PIK3CB: variants seen among roughly 807,000 people sequenced by gnomAD.
PIK3CB encodes the protein phosphatidylinositol 4,5-bisphosphate 3-kinase catalytic subunit beta isoform.
In PIK3CB, 39 loss-of-function variants were observed where a neutral mutation model predicts 136.8. The ratio of observed to expected loss-of-function variants is 0.29; its 90% CI spans 0.22 to 0.37. PIK3CB has a LOEUF of 0.37. Ranked by LOEUF, PIK3CB falls within the 10% of genes least tolerant of loss-of-function variation. PIK3CB has a pLI of 1.00. For missense variants in PIK3CB, 868 were observed against 1,275.4 expected, an observed-to-expected ratio of 0.68 and a Z score of 4.87; for synonymous variants, 428 against 436.6, an observed-to-expected ratio of 0.98 and a Z score of 0.25.
chr3:138,736,181 C>G (rs1194372127), intron 6 of PIK3CB, among the ~76,000 whole-genome samples: 5 of 152,084 alleles, frequency 3.3e-5, no homozygotes, highest in African/African-American at 1.2e-4. Flanking sequence ...TGTTGCCCAC[C>G]AAGCATTTTT....
intron 21 of PIK3CB, 50 bp from the exon 22 acceptor site, chr3:138,657,885 A>C (rs1171447695): frequency 6.4e-7 from 1 of 1,571,484 alleles, no homozygotes; most frequent in East Asian, 2.2e-5. Context: ...GTGGGTTCCA[A>C]ATATAAAGGC....
At chr3:138,806,791 C>G (rs893235023) in intron 1 of PIK3CB, among the ~76,000 whole-genome samples, 5 of 152,136 alleles carry the variant, frequency 3.3e-5, no homozygotes, top group Admixed American at 1.3e-4. Context: ...GTCAACTTGC[C>G]AATGGTGATA....
chr3:138,820,620 A>G (rs1933521416), intron 1 of PIK3CB, among the ~76,000 whole-genome samples: 1 of 152,106 alleles, frequency 6.6e-6, no homozygotes, highest in Non-Finnish European at 1.5e-5. Flanking sequence ...CGGCCTCCCA[A>G]GTAGTTCAGA....
At chr3:138,824,649 C>G (rs568240677) in intron 1 of PIK3CB, among the ~76,000 whole-genome samples, 1 of 151,682 alleles carries the variant, frequency 6.6e-6, no homozygotes, top group South Asian at 2.1e-4. Context: ...GCCAAGATCA[C>G]GCCATTGCAC....
chr3:138,690,066 A>T (rs544957578), intron 15 of PIK3CB, among the ~76,000 whole-genome samples: 1 of 152,140 alleles, frequency 6.6e-6, no homozygotes, highest in African/African-American at 2.4e-5. Context: ...TGAATGAATG[A>T]GAAAAGACAA....
chr3:138,784,419 C>CCCCTCT lies in PIK3CB; in HGVS notation c.-17+12038_-17+12043dup, dbSNP rs1242503890. On this transcript the variant is annotated intron_variant, in intron 2 of 23. Coordinates refer to ENST00000674063, the MANE Select transcript of PIK3CB (RefSeq NM_006219.3). ...AAGGCTCTCCCTCTCCCTCCCCCTC[C>CCCCTCT]CCCTCTCCCTCTCGTCTCCGTCTCC... is the stretch of plus-strand genomic sequence containing the variant. 2.0e-4 allele frequency among the ~76,000 whole-genome samples: 31 copies of CCCCTCT among 151,970 alleles called. 1 individual carries two copies. The highest frequency in any genetic ancestry group is 7.3e-4 in the African/African-American group (30 of 41,358).
chr3:138,734,197 A>G (rs1297683325), intron 7 of PIK3CB, among the ~76,000 whole-genome samples: 4 of 152,174 alleles, frequency 2.6e-5, no homozygotes, highest in Non-Finnish European at 5.9e-5. Flanking sequence ...TGCCCTTCAT[A>G]TATGTTTAGT....
intron 2 of PIK3CB, among the ~76,000 whole-genome samples, chr3:138,759,664 T>C (rs950917158): frequency 2.0e-5 from 3 of 151,574 alleles, no homozygotes; most frequent in Middle Eastern, 3.2e-3. Context: ...CATACATATG[T>C]ACACACACAC....
At chr3:138,762,979 TA>T (rs1258253767) in intron 2 of PIK3CB, among the ~76,000 whole-genome samples, 2 of 151,014 alleles carry the variant, frequency 1.3e-5, no homozygotes, top group Non-Finnish European at 3.0e-5. Context: ...AAAACAACAA[TA>T]AAAAAATATA....
At chr3:138,742,232 T>A (rs921197850) in intron 5 of PIK3CB, among the ~76,000 whole-genome samples, 2 of 152,200 alleles carry the variant, frequency 1.3e-5, no homozygotes, top group Admixed American at 1.3e-4. Flanking sequence ...TCTTTTTACT[T>A]CTTCTTCTTT....
At chr3:138,712,507 C>G (rs905411989) in intron 9 of PIK3CB, among the ~76,000 whole-genome samples, 3 of 151,312 alleles carry the variant, frequency 2.0e-5, no homozygotes, top group African/African-American at 7.3e-5. Flanking sequence ...ACTCAATTAA[C>G]ATTTCATAAT....
At position 138,653,792 on chromosome 3, in the gene PIK3CB, G is replaced by A. The variant is rs2043150679; in HGVS notation, c.*1597C>T. 4 of 195,558 alleles carry A rather than the reference G, an allele frequency of 2.0e-5. No individual in the cohort carries two copies. Among genetic ancestry groups the A allele is most frequent in the Non-Finnish European group, 4.2e-5 (4 of 94,140 alleles). 12.1% of individuals were successfully genotyped at this position (195,558 alleles called of 1,614,324 possible). A position where few individuals can be genotyped will look rare whatever the true frequency, so the allele number is the denominator to read the frequency against. On this transcript the variant is annotated 3_prime_UTR_variant, in exon 24 of 24. Transcript: ENST00000674063. The stretch of plus-strand genomic sequence containing the variant: ...TGCCAAGTAACTACCCAGACTTCAG[G>A]ACACCTCCCATATGCATGGCTCCTT...
chr3:138,742,615 T>C lies in PIK3CB; in HGVS notation c.564A>G (p.Leu188=). ...GCTTTCCCCCATAAAGTTTATCTTCTAAGTTTTCAGGGATGGATGGTTCAT... is the reference window on the plus strand; with the variant it reads ...GCTTTCCCCCATAAAGTTTATCTTCCAAGTTTTCAGGGATGGATGGTTCAT... ...PEHEPSIPEN[L]EDKLYGGKLI... is the part of the protein sequence containing the mutation. Residue 188 remains leucine (L), a synonymous_variant, in exon 5 of 24, where the codon TTA becomes TTG. Transcript: ENST00000674063. 1.2e-6 allele frequency: 2 copies of C among 1,609,654 alleles called. No individual in the cohort carries two copies. The highest frequency in any genetic ancestry group is 2.2e-5 in the South Asian group (2 of 90,832).
intron 6 of PIK3CB, among the ~76,000 whole-genome samples, chr3:138,736,140 G>A (rs544987709): frequency 3.3e-5 from 5 of 152,202 alleles, no homozygotes; most frequent in East Asian, 3.9e-4. Context: ...CTTGAATGAT[G>A]GCAGAACATG....
intron 13 of PIK3CB, among the ~76,000 whole-genome samples, chr3:138,696,870 C>T (rs1179536426): frequency 6.6e-6 from 1 of 152,132 alleles, no homozygotes; most frequent in African/African-American, 2.4e-5. Flanking sequence ...AAAAACTCCT[C>T]ATATCTCCAG....
chr3:138,792,788 C>G (rs866586089), intron 2 of PIK3CB, among the ~76,000 whole-genome samples: 2 of 151,872 alleles, frequency 1.3e-5, no homozygotes, highest in Non-Finnish European at 2.9e-5. Context: ...TTTCTCTCCC[C>G]CTCCCCTCCA....
At position 138,714,570 on chromosome 3, in the gene PIK3CB, T is replaced by C. The variant is rs1449151137; in HGVS notation, c.1200A>G (p.Leu400=). Residue 400 remains leucine, a synonymous_variant, in exon 9 of 24, where the codon TTA becomes TTG. Transcript: ENST00000674063. ...CCAAAACTGCATAAACAGCAAAACATAATCGAGCCATTCTTGGTAAGTCAC... is the reference window on the plus strand; with the variant it reads ...CCAAAACTGCATAAACAGCAAAACACAATCGAGCCATTCTTGGTAAGTCAC... ...NICDLPRMAR[L]CFAVYAVLDK... 10 of 1,613,590 alleles carry C rather than the reference T, an allele frequency of 6.2e-6. No homozygotes were observed. The highest frequency in any genetic ancestry group is 8.5e-6 in the Non-Finnish European group (10 of 1,179,540).
intron 1 of PIK3CB, among the ~76,000 whole-genome samples, chr3:138,829,930 G>C (rs1576438178): frequency 6.6e-6 from 1 of 152,118 alleles, no homozygotes; most frequent in East Asian, 1.9e-4. Flanking sequence ...GTTCAGGACT[G>C]GAGATAAAAA....
At chr3:138,743,234 G>A (rs2045279536) in intron 4 of PIK3CB, among the ~76,000 whole-genome samples, 3 of 151,988 alleles carry the variant, frequency 2.0e-5, no homozygotes, top group African/African-American at 7.3e-5. Context: ...ACCAAAACTT[G>A]GTATACTATG....
Sources: allele counts gnomAD v4.1 joint callset (sites outside exome capture counted in the v4.1 genomes callset), GRCh38; gene constraint gnomAD v4.1.1; transcripts MANE v1.5; gene names NCBI Gene and HGNC (gene_info 2026-07-23, HGNC 2026-07-21).